GOSR1: variants seen among roughly 807,000 people sequenced by gnomAD.
The protein encoded by GOSR1 is 28 kDa Golgi SNARE protein.
In GOSR1, 21 loss-of-function variants were observed where a neutral mutation model predicts 35.5. That is an observed-to-expected ratio of 0.59 (90% CI 0.42 to 0.85). GOSR1 has a LOEUF of 0.85. GOSR1 is among the 40% of genes least tolerant of loss of function. The probability of loss-of-function intolerance (pLI) is 0.00; values close to 1 mark genes in which losing one functional copy is unlikely to be tolerated. For synonymous variants in GOSR1, 94 were observed against 106.6 expected (o/e 0.88, Z 0.73); for missense variants, 285 against 309.6 (o/e 0.92, Z 0.60).
chr17:30,513,360 A>G (rs961301036), intron 7 of GOSR1, among the ~76,000 whole-genome samples: 3 of 152,226 alleles, frequency 2.0e-5, no homozygotes, highest in Admixed American at 6.5e-5. Context: ...TCAATGATTT[A>G]TCATTTTAAA....
At chr17:30,517,989 C>T (rs1249269289) in intron 7 of GOSR1, among the ~76,000 whole-genome samples, 1 of 152,196 alleles carries the variant, frequency 6.6e-6, no homozygotes, top group Non-Finnish European at 1.5e-5. Context: ...GCATCCATCA[C>T]TGGGCTCTTC....
rs118093212 is a variant in GOSR1, at chr17:30,520,449, C to T, written c.622+428C>T. 435 of 154,192 alleles carry T rather than the reference C, an allele frequency of 2.8e-3. 1 individual carries two copies. Among genetic ancestry groups the T allele is most frequent in the Middle Eastern group, 0.016 (5 of 304 alleles). 9.6% of individuals were successfully genotyped at this position (154,192 alleles called of 1,614,324 possible). On this transcript the variant is annotated intron_variant, in intron 8 of 8. Coordinates refer to ENST00000451249, the MANE Select transcript of GOSR1 (RefSeq NM_001007025.2). Reference sequence around the variant, plus strand: ...GGAAGGAAGGAGACAGCCACCCGTGCAGATGAGCTATAGCTACTGATGGAG... The same window carrying T: ...GGAAGGAAGGAGACAGCCACCCGTGTAGATGAGCTATAGCTACTGATGGAG...
intron 8 of GOSR1, among the ~76,000 whole-genome samples, chr17:30,522,033 T>C (rs1297090091): frequency 6.6e-6 from 1 of 152,182 alleles, no homozygotes; most frequent in Non-Finnish European, 1.5e-5. Context: ...TTATTTGTGT[T>C]ACACACAAGA....
rs1403912110 is a variant in GOSR1 at position 30,523,629 on chromosome 17, GCGCCTCTGCCCGGC to G, written c.*1256_*1269del. On this transcript the variant is annotated 3_prime_UTR_variant, in exon 9 of 9. Coordinates refer to ENST00000451249, the MANE Select transcript of GOSR1 (RefSeq NM_001007025.2). Reference sequence around the variant, plus strand: ...GCCCCGTCCGGGAGGGAGGTGGGGGGCGCCTCTGCCCGGCCGCCCCTGCCCGGCCGCCCCTACTG... The same window carrying G: ...GCCCCGTCCGGGAGGGAGGTGGGGGGCGCCCCTGCCCGGCCGCCCCTACTG... 1.3e-5 allele frequency: 2 copies of G among 151,440 alleles called. No homozygotes were observed. Among genetic ancestry groups the G allele is most frequent in the Admixed American group, 6.8e-5 (1 of 14,806 alleles). 9.4% of individuals were successfully genotyped at this position (151,440 alleles called of 1,614,324 possible).
In GOSR1 at chr17:30,526,579, T is replaced by G. The variant is rs1403703750; in HGVS notation, c.*4201T>G. Reference sequence around the variant, plus strand: ...CTCTTAAGGGAGGAGGGAAATCAATTCCAACCATACTTTCCTGTGATGGAA... The same window carrying G: ...CTCTTAAGGGAGGAGGGAAATCAATGCCAACCATACTTTCCTGTGATGGAA... On this transcript the variant is annotated 3_prime_UTR_variant, in exon 9 of 9. Transcript: ENST00000451249. 1 of 152,632 alleles carries G rather than the reference T, an allele frequency of 6.6e-6. No homozygotes were observed. Among genetic ancestry groups the G allele is most frequent in the Non-Finnish European group, 1.5e-5 (1 of 68,042 alleles). 9.5% of individuals were successfully genotyped at this position (152,632 alleles called of 1,614,324 possible).
At position 30,508,376 on chromosome 17, in the gene GOSR1, TC is replaced by T. The variant is rs1445000788; in HGVS notation, c.510-2503del. Among the ~76,000 whole-genome samples the T allele has an allele frequency of 3.3e-5, 5 of 152,364 alleles. No homozygotes were observed. In the East Asian group the frequency reaches 9.6e-4, roughly 29 times the overall value. On this transcript the variant is annotated intron_variant, in intron 6 of 8. Transcript: ENST00000451249. The stretch of plus-strand genomic sequence containing the variant: ...ATTTTGGAATATCTTATGTTTATGC[TC>T]TTTAATGTGCTAAGTGGCCCTGATG...
At position 30,523,604 on chromosome 17, in the gene GOSR1, G is replaced by A. The variant is rs1489282200; in HGVS notation, c.*1226G>A. The A allele has an allele frequency of 3.2e-5, 5 of 154,380 alleles. No individual in the cohort carries two copies. Among genetic ancestry groups the A allele is most frequent in the Non-Finnish European group, 5.6e-5 (4 of 71,596 alleles). 9.6% of individuals were successfully genotyped at this position (154,380 alleles called of 1,614,324 possible). Reference sequence around the variant, plus strand: ...GGATCAGCCCCCCGCCCGGCCAGCCGCCCCGTCCGGGAGGGAGGTGGGGGG... The same window carrying A: ...GGATCAGCCCCCCGCCCGGCCAGCCACCCCGTCCGGGAGGGAGGTGGGGGG... On this transcript the variant is annotated 3_prime_UTR_variant, in exon 9 of 9. Transcript: ENST00000451249.
chr17:30,509,832 G>T (rs1967549664), intron 6 of GOSR1, among the ~76,000 whole-genome samples: 1 of 152,032 alleles, frequency 6.6e-6, no homozygotes, highest in Non-Finnish European at 1.5e-5. Context: ...TCCCAAAAAA[G>T]AAATAAACAT....
intron 6 of GOSR1, among the ~76,000 whole-genome samples, chr17:30,508,084 C>A (rs1206538071): frequency 1.3e-5 from 2 of 152,192 alleles, no homozygotes; most frequent in Non-Finnish European, 2.9e-5. Context: ...ATTTTAGAAT[C>A]AATCTCATAG....
chr17:30,518,273 G>A (rs1211923881), intron 7 of GOSR1, among the ~76,000 whole-genome samples: 1 of 151,926 alleles, frequency 6.6e-6, no homozygotes, highest in East Asian at 1.9e-4. Context: ...CCCTCTACCT[G>A]GCTTTCTTCC....
chr17:30,491,385 G>GT (rs1196166964), intron 5 of GOSR1, among the ~76,000 whole-genome samples: 2 of 152,214 alleles, frequency 1.3e-5, no homozygotes, highest in Admixed American at 1.3e-4. Context: ...CCGGCCAGGC[G>GT]TGGTGGCTCC....
chr17:30,490,264 G>T, intron 5 of GOSR1, 47 bp downstream of exon 5: 1 of 990,116 alleles, frequency 1.0e-6, no homozygotes, highest in Non-Finnish European at 1.6e-6. Flanking sequence ...TTCAGATTTG[G>T]CTTTAGGATA....
chr17:30,510,183 C>T (rs923638378), intron 6 of GOSR1, among the ~76,000 whole-genome samples: 1 of 152,044 alleles, frequency 6.6e-6, no homozygotes. Flanking sequence ...AAGCAGTTCT[C>T]GTGCCTCAGC....
At chr17:30,477,848 G>C (rs1597747973) in intron 1 of GOSR1, 1 of 985,218 alleles carries the variant, frequency 1.0e-6, no homozygotes, top group East Asian at 1.1e-4. Flanking sequence ...CCGGAGACTG[G>C]AGGAGTCAGC....
intron 6 of GOSR1, among the ~76,000 whole-genome samples, chr17:30,495,144 C>T (rs768225540): frequency 2.1e-4 from 29 of 140,138 alleles, no homozygotes; most frequent in South Asian, 9.1e-4. Flanking sequence ...GCCAAGATCA[C>T]GCTACTGCAC....
intron 7 of GOSR1, among the ~76,000 whole-genome samples, chr17:30,516,753 A>C (rs945029543): frequency 6.6e-6 from 1 of 151,798 alleles, no homozygotes; most frequent in Admixed American, 6.6e-5. Context: ...TTGTGTTGTC[A>C]CCCAAGCTGG....
rs780089715 is a variant in GOSR1 at position 30,492,992 on chromosome 17, A to AT, written c.509+254dup. On this transcript the variant is annotated intron_variant, in intron 6 of 8. Transcript: ENST00000451249. Reference sequence around the variant, plus strand: ...TAATTGTTACCTTAATATGGTTGTTATTTTTTTTTTTTTTTCTCTGAGATG... The same window carrying AT: ...TAATTGTTACCTTAATATGGTTGTTATTTTTTTTTTTTTTTTCTCTGAGATG... 2.2e-3 allele frequency among the ~76,000 whole-genome samples: 316 copies of AT among 140,896 alleles called. 1 individual carries two copies. Among genetic ancestry groups the AT allele is most frequent in the South Asian group, 7.7e-3 (34 of 4,408 alleles). The allele number at this position is 140,896 out of a possible 152,430, so 92.4% of individuals were successfully genotyped here.
intron 7 of GOSR1, among the ~76,000 whole-genome samples, chr17:30,518,880 C>T (rs919454658): frequency 1.4e-4 from 21 of 152,040 alleles, no homozygotes; most frequent in Non-Finnish European, 2.8e-4. Context: ...GGAGTCAAGG[C>T]TGCAATAGCC....
rs755801446 is a variant in GOSR1 at position 30,492,724 on chromosome 17, A to G, written c.480A>G (p.Leu160=). 46 of 1,603,338 alleles carry G rather than the reference A, an allele frequency of 2.9e-5. No homozygotes were observed. The highest frequency in any genetic ancestry group is 3.8e-5 in the Non-Finnish European group (44 of 1,170,544). ...GAGTAAACAACAGAAGAACTGAGCT[A>G]TTTTTGAAAGAACATGACCACCTTC... ...GSGVNNRRTE[L]FLKEHDHLRN... The change falls in exon 6 of 9, where the codon CTA becomes CTG. Residue 160 remains leucine (L), a synonymous_variant. Transcript: ENST00000451249.
Sources: gnomAD v4.1 joint callset for allele counts (sites outside exome capture counted in the v4.1 genomes callset) on GRCh38, gnomAD v4.1.1 for gene constraint, MANE v1.5 for transcripts, NCBI Gene and HGNC (gene_info 2026-07-23, HGNC 2026-07-21) for gene names.